The following RSRP1 variants were observed in gnomAD, a reference collection of about 807,000 sequenced individuals.
The protein encoded by RSRP1 is arginine/serine-rich protein 1.
In RSRP1, 37 loss-of-function variants were observed where a neutral mutation model predicts 33.0. The observed-to-expected ratio is 1.12, with a 90% CI of 0.86 to 1.48. The LOEUF (loss-of-function observed/expected upper bound fraction) is 1.48. Ranked by LOEUF, RSRP1 falls within the 40% of genes most tolerant of loss-of-function variation. The probability of loss-of-function intolerance (pLI) is 0.00; values close to 1 mark genes in which losing one functional copy is unlikely to be tolerated. For missense variants in RSRP1, 402 were observed against 385.3 expected (o/e 1.04, Z -0.36); for synonymous variants, 167 against 158.7 (o/e 1.05, Z -0.40).
At chr1:25,302,179 G>C (rs1643436789) in intron 1 of RSRP1, among the ~76,000 whole-genome samples, 1 of 131,528 alleles carries the variant, frequency 7.6e-6, no homozygotes. Context: ...TTAAGAGATG[G>C]TGCATGTAAA....
intron 1 of RSRP1, 22 bp from the exon 2 acceptor site, chr1:25,247,051 A>G: frequency 7.5e-7 from 1 of 1,339,192 alleles, no homozygotes; most frequent in Non-Finnish European, 9.9e-7. Context: ...AGAGAGAAAA[A>G]ACAAGTCGAG....
rs544266606 is a variant in RSRP1 at position 25,246,532 on chromosome 1, G to A, written c.432C>T (p.Arg144=). The stretch of plus-strand genomic sequence containing the variant: ...TGCTGTGCTCCTCCGGGTACACTGT[G>A]CGACCAAAGCCGTAGTAGCGCTGTC... ...ARGQRYYGFG[R]TVYPEEHSRW... The change falls in exon 2 of 5, where the codon CGC becomes CGT. Residue 144 remains arginine (R), a synonymous_variant. Coordinates refer to ENST00000243189, the MANE Select transcript of RSRP1 (RefSeq NM_020317.5). 126 of 1,614,242 alleles carry A rather than the reference G, an allele frequency of 7.8e-5. No individual in the cohort carries two copies. Among genetic ancestry groups the A allele is most frequent in the Admixed American group, 6.2e-4 (37 of 60,032 alleles).
chr1:25,246,625 G>C lies in RSRP1; in HGVS notation c.339C>G (p.Ser113=). 1 of 1,614,070 alleles carries C rather than the reference G, an allele frequency of 6.2e-7. No homozygotes were observed. The highest frequency in any genetic ancestry group is 8.5e-7 in the Non-Finnish European group (1 of 1,180,024). ...RYYRSPSRYR[S]RSRSRSRSRG... is the part of the protein sequence containing the mutation. ...GAGAGCGCGACCTGCTACGGGACCGGGACCGGTACCGCGAAGGAGACCGGT... is the reference window on the plus strand; with the variant it reads ...GAGAGCGCGACCTGCTACGGGACCGCGACCGGTACCGCGAAGGAGACCGGT... The change falls in exon 2 of 5, where the codon TCC becomes TCG. Residue 113 remains serine (S), a synonymous_variant. Coordinates refer to ENST00000243189, the MANE Select transcript of RSRP1 (RefSeq NM_020317.5).
Position 25,285,777 on chromosome 1 carries a change from T to C in RSRP1, c.-66-38748A>G, listed in dbSNP as rs1356934637. Among the ~76,000 whole-genome samples the C allele has an allele frequency of 2.2e-5, 3 of 135,124 alleles. No homozygotes were observed. In the East Asian group the frequency reaches 5.8e-4, roughly 26 times the overall value. The allele number at this position is 135,124 out of a possible 152,430, so 88.6% of individuals were successfully genotyped here. A position where few individuals can be genotyped will look rare whatever the true frequency, so the allele number is the denominator to read the frequency against. ...TAGGCTAAATTTTTTCCTGAAACATTGTTTTGTTTTGTTCAAACCTCTGAA... is the reference window on the plus strand; with the variant it reads ...TAGGCTAAATTTTTTCCTGAAACATCGTTTTGTTTTGTTCAAACCTCTGAA... On this transcript the variant is annotated intron_variant, in intron 1 of 1. Transcript: ENST00000561867.
chr1:25,244,378 A>C, intron 3 of RSRP1: 1 of 1,289,230 alleles, frequency 7.8e-7, no homozygotes, highest in Non-Finnish European at 1.0e-6. Context: ...ATCTACCAAC[A>C]AAAAAACTAA....
Position 25,330,636 on chromosome 1 carries a change from T to G in RSRP1, c.-67+7342A>C, listed in dbSNP as rs574698399. Among the ~76,000 whole-genome samples, 4 of 131,726 alleles carry G rather than the reference T, an allele frequency of 3.0e-5. 1 individual carries two copies. In the South Asian group the frequency reaches 9.3e-4, roughly 31 times the overall value. 86.4% of individuals were successfully genotyped at this position (131,726 alleles called of 152,430 possible). A position where few individuals can be genotyped will look rare whatever the true frequency, so the allele number is the denominator to read the frequency against. On this transcript the variant is annotated intron_variant, in intron 1 of 1. Transcript: ENST00000561867. ...AAACAGAAGGAATTTGAAGCCACCC[T>G]CCAAACACAGGGGAAGGAGGCTGTG... is the stretch of plus-strand genomic sequence containing the variant.
intron 1 of RSRP1, chr1:25,267,599 A>C (rs1267898016): frequency 8.3e-6 from 1 of 120,424 alleles, no homozygotes; most frequent in Non-Finnish European, 2.0e-5. Context: ...GAAAATAAAC[A>C]AGACTAAAAA....
In RSRP1 at chr1:25,321,440, C is replaced by A. The variant is rs569356195; in HGVS notation, c.-67+16538G>T. ...CTTTGGAAGGCTGAGGTGGGTGGAT[C>A]ACCTGAGGTCGGGAGTTCGAGACCA... On this transcript the variant is annotated intron_variant, in intron 1 of 1. Transcript: ENST00000561867. 3.4e-4 allele frequency among the ~76,000 whole-genome samples: 40 copies of A among 117,814 alleles called. 8 individuals are homozygous for A. Among genetic ancestry groups the A allele is most frequent in the Non-Finnish European group, 5.9e-4 (30 of 50,692 alleles). The allele number at this position is 117,814 out of a possible 152,430, so 77.3% of individuals were successfully genotyped here.
In RSRP1 at chr1:25,319,775, T is replaced by C. The variant is rs921302608; in HGVS notation, c.-67+18203A>G. 9.0e-5 allele frequency among the ~76,000 whole-genome samples: 12 copies of C among 132,894 alleles called. 1 individual carries two copies. The highest frequency in any genetic ancestry group is 3.1e-4 in the African/African-American group (12 of 39,030). 87.2% of individuals were successfully genotyped at this position (132,894 alleles called of 152,430 possible). A position where few individuals can be genotyped will look rare whatever the true frequency, so the allele number is the denominator to read the frequency against. On this transcript the variant is annotated intron_variant, in intron 1 of 1. Transcript: ENST00000561867. ...GAAACAATCCTATCAAGCATAGTTA[T>C]TGGGTTTCTCAGCCCAGGTAGATTA...
At chr1:25,311,199 C>A (rs1644127516) in intron 1 of RSRP1, among the ~76,000 whole-genome samples, 1 of 131,892 alleles carries the variant, frequency 7.6e-6, no homozygotes, top group African/African-American at 2.6e-5. Flanking sequence ...GAGCAAAGGT[C>A]ATCCTTTTTA....
rs1333193716 is a variant in RSRP1, at chr1:25,277,447, G to A, written c.-66-30418C>T. On this transcript the variant is annotated intron_variant, in intron 1 of 1. Coordinates refer to the RSRP1 transcript ENST00000561867. ...GAAGCTCTGGGCCTGGGGCCCAGCA[G>A]TCTGTGTTTTCACAAGCCCTCTTGG... Among the ~76,000 whole-genome samples the A allele has an allele frequency of 1.8e-4, 24 of 132,938 alleles. 2 individuals are homozygous for A. The highest frequency in any genetic ancestry group is 1.8e-3 in the East Asian group (9 of 5,102). 87.2% of individuals were successfully genotyped at this position (132,938 alleles called of 152,430 possible).
intron 1 of RSRP1, among the ~76,000 whole-genome samples, chr1:25,276,786 G>C (rs1238938215): frequency 1.5e-5 from 2 of 132,022 alleles, no homozygotes; most frequent in Admixed American, 7.4e-5. Context: ...AAACATAAAG[G>C]CTGGGTGTAG....
At chr1:25,297,875 G>T (rs1316154330) in intron 1 of RSRP1, among the ~76,000 whole-genome samples, 1 of 131,534 alleles carries the variant, frequency 7.6e-6, no homozygotes, top group East Asian at 1.9e-4. Flanking sequence ...CCAAGGGCAG[G>T]AGGTGCTGCC....
Position 25,323,516 on chromosome 1 carries a change from T to C in RSRP1, c.-67+14462A>G. Among the ~76,000 whole-genome samples, 2 of 127,110 alleles carry C rather than the reference T, an allele frequency of 1.6e-5. 1 individual carries two copies. 83.4% of individuals were successfully genotyped at this position (127,110 alleles called of 152,430 possible). ...CTCCGCCACCCACACCGTAATGCAG[T>C]GGCACCATCATGGCTCACTGTAGCC... On this transcript the variant is annotated intron_variant, in intron 1 of 1. Coordinates refer to the RSRP1 transcript ENST00000561867.
chr1:25,321,217 A>G lies in RSRP1; in HGVS notation c.-67+16761T>C, dbSNP rs397792670. On this transcript the variant is annotated intron_variant, in intron 1 of 1. Coordinates refer to the RSRP1 transcript ENST00000561867. Reference sequence around the variant, plus strand: ...CCTATAGGAGCACCCAATTGGAGTCACCCTCCATAGTAGCCCATATGTCTT... The same window carrying G: ...CCTATAGGAGCACCCAATTGGAGTCGCCCTCCATAGTAGCCCATATGTCTT... Among the ~76,000 whole-genome samples the G allele has an allele frequency of 1.2e-4, 15 of 128,018 alleles. 4 individuals are homozygous for G. The highest frequency in any genetic ancestry group is 2.0e-4 in the East Asian group (1 of 5,074). The allele number at this position is 128,018 out of a possible 152,430, so 84.0% of individuals were successfully genotyped here. A position where few individuals can be genotyped will look rare whatever the true frequency, so the allele number is the denominator to read the frequency against.
rs1571556020 is a variant in RSRP1 at position 25,272,321 on chromosome 1, G to T, written c.-66-25292C>A. ...ACCTGTAACAGGAACACAGCAACTTGTTGAATGAATGACAATATTGGAAAA... is the reference window on the plus strand; with the variant it reads ...ACCTGTAACAGGAACACAGCAACTTTTTGAATGAATGACAATATTGGAAAA... On this transcript the variant is annotated intron_variant, in intron 1 of 1. Coordinates refer to the RSRP1 transcript ENST00000561867. 23 of 539,120 alleles carry T rather than the reference G, an allele frequency of 4.3e-5. No homozygotes were observed. In the East Asian group the frequency reaches 6.6e-4, roughly 16 times the overall value. 33.4% of individuals were successfully genotyped at this position (539,120 alleles called of 1,614,324 possible).
Position 25,246,457 on chromosome 1 carries a change from G to A in RSRP1, c.507C>T (p.Arg169=). ...TGACCCACCCACCTTTTTCACTTAA[G>A]CGAAAGGGGGTTCTGCTCCGCGACC... ...RTRSRSRTPF[R]LSEKDRMELL... The change falls in exon 2 of 5, where the codon CGC becomes CGT. Residue 169 remains arginine, a synonymous_variant. Coordinates refer to ENST00000243189, the MANE Select transcript of RSRP1 (RefSeq NM_020317.5). 5 of 1,612,974 alleles carry A rather than the reference G, an allele frequency of 3.1e-6. No individual in the cohort carries two copies. In the South Asian group the frequency reaches 3.3e-5, roughly 11 times the overall value.
At position 25,292,058 on chromosome 1, in the gene RSRP1, G is replaced by A. The variant is rs1383715490; in HGVS notation, c.-66-45029C>T. On this transcript the variant is annotated intron_variant, in intron 1 of 1. Transcript: ENST00000561867. ...GCCATAAATCCCTGTGTGACTCTGG[G>A]CAATTTAACCTCTTAGAGCTTTAGT... is the stretch of plus-strand genomic sequence containing the variant. Among the ~76,000 whole-genome samples the A allele has an allele frequency of 2.3e-5, 3 of 132,534 alleles. 1 individual carries two copies. The highest frequency in any genetic ancestry group is 5.4e-5 in the Non-Finnish European group (3 of 55,922). The allele number at this position is 132,534 out of a possible 152,430, so 86.9% of individuals were successfully genotyped here. A position where few individuals can be genotyped will look rare whatever the true frequency, so the allele number is the denominator to read the frequency against.
rs1644487760 is a variant in RSRP1 at position 25,317,808 on chromosome 1, A to G, written c.-67+20170T>C. Among the ~76,000 whole-genome samples, 3 of 81,254 alleles carry G rather than the reference A, an allele frequency of 3.7e-5. 1 individual carries two copies. The highest frequency in any genetic ancestry group is 1.2e-4 in the African/African-American group (3 of 24,660). 53.3% of individuals were successfully genotyped at this position (81,254 alleles called of 152,430 possible). On this transcript the variant is annotated intron_variant, in intron 1 of 1. Coordinates refer to the RSRP1 transcript ENST00000561867. ...AGACAGCAGCATGCTTTGTGTGTTG[A>G]GGGAACAGTAAGGAGACCAGTGTGG...
Sources: allele counts gnomAD v4.1 joint callset (sites outside exome capture counted in the v4.1 genomes callset), GRCh38; gene constraint gnomAD v4.1.1; transcripts MANE v1.5; gene names NCBI Gene and HGNC (gene_info 2026-07-23, HGNC 2026-07-21).